CNTNAP2: variants seen among roughly 807,000 people sequenced by gnomAD.
CNTNAP2 encodes contactin associated protein 2, also known as contactin-associated protein-like 2.
Under a neutral mutation model 155.2 loss-of-function variants are expected in CNTNAP2, and 98 were observed. The observed-to-expected ratio is 0.63, with a 90% CI of 0.54 to 0.75. The LOEUF (loss-of-function observed/expected upper bound fraction) is 0.75. CNTNAP2 is among the 30% of genes least tolerant of loss of function. The pLI, the probability that CNTNAP2 is intolerant of heterozygous loss-of-function variation, is 0.00. For missense variants in CNTNAP2, 1,727 were observed against 1,688.1 expected, an observed-to-expected ratio of 1.02 and a Z score of -0.40; for synonymous variants, 651 against 631.2, an observed-to-expected ratio of 1.03 and a Z score of -0.47.
rs979214022 is a variant in CNTNAP2, at chr7:147,011,796, A to T, written c.403-32111A>T. ...ATCTGGGTAAGAGCTGGCCATAGAG[A>T]AAGTCTCTGACCTTCCTCGTTTGAT... On this transcript the variant is annotated intron_variant, in intron 3 of 23. Coordinates refer to ENST00000361727, the MANE Select transcript of CNTNAP2 (RefSeq NM_014141.6). Among the ~76,000 whole-genome samples the T allele has an allele frequency of 7.2e-5, 11 of 152,294 alleles. No homozygotes were observed. In the South Asian group the frequency reaches 2.3e-3, roughly 32 times the overall value.
intron 1 of CNTNAP2, among the ~76,000 whole-genome samples, chr7:146,729,831 T>G (rs907327910): frequency 6.6e-6 from 1 of 152,190 alleles, no homozygotes; most frequent in Non-Finnish European, 1.5e-5. Flanking sequence ...GACAGCTTCT[T>G]GTAAATCTAA....
At chr7:147,277,933 A>G (rs887365498) in intron 8 of CNTNAP2, among the ~76,000 whole-genome samples, 60 of 151,750 alleles carry the variant, frequency 4.0e-4, no homozygotes, top group African/African-American at 1.4e-3. Context: ...TTCAACTGGT[A>G]CCTCTGGTCT....
At chr7:148,109,452 T>C (rs1193646939) in intron 15 of CNTNAP2, among the ~76,000 whole-genome samples, 1 of 152,130 alleles carries the variant, frequency 6.6e-6, no homozygotes, top group Non-Finnish European at 1.5e-5. Flanking sequence ...TGGTGCGATC[T>C]CGGCTCACCG....
At chr7:147,276,820 G>A (rs551808772) in intron 8 of CNTNAP2, among the ~76,000 whole-genome samples, 65 of 150,072 alleles carry the variant, frequency 4.3e-4, no homozygotes, top group Middle Eastern at 3.4e-3. Context: ...CAAATGCTGC[G>A]TTCAATTGAC....
At chr7:148,156,367 C>A (rs750765031) in intron 17 of CNTNAP2, among the ~76,000 whole-genome samples, 9 of 152,162 alleles carry the variant, frequency 5.9e-5, no homozygotes, top group Non-Finnish European at 1.0e-4. Flanking sequence ...ATGTCTCCTG[C>A]GCTCTTTCCT....
chr7:146,952,131 A>G (rs1797327831), intron 3 of CNTNAP2, among the ~76,000 whole-genome samples: 1 of 152,162 alleles, frequency 6.6e-6, no homozygotes, highest in Admixed American at 6.6e-5. Flanking sequence ...AACATACACA[A>G]ATCAATAGAC....
intron 1 of CNTNAP2, among the ~76,000 whole-genome samples, chr7:146,190,150 A>C (rs1798681367): frequency 1.3e-5 from 2 of 152,006 alleles, no homozygotes; most frequent in South Asian, 4.1e-4. Flanking sequence ...AATGATGCAA[A>C]CCTCATGCGT....
intron 1 of CNTNAP2, among the ~76,000 whole-genome samples, chr7:146,594,716 T>C (rs1003239432): frequency 6.6e-6 from 1 of 152,086 alleles, no homozygotes; most frequent in Non-Finnish European, 1.5e-5. Flanking sequence ...CAATCCTCTG[T>C]AATTTTGCGT....
At chr7:148,168,107 G>A (rs1805705017) in intron 17 of CNTNAP2, among the ~76,000 whole-genome samples, 1 of 152,074 alleles carries the variant, frequency 6.6e-6, no homozygotes, top group Non-Finnish European at 1.5e-5. Context: ...CTTTTACACT[G>A]TTGGTGGGAC....
chr7:146,610,880 A>G (rs746842012), intron 1 of CNTNAP2, among the ~76,000 whole-genome samples: 14 of 152,166 alleles, frequency 9.2e-5, no homozygotes, highest in Non-Finnish European at 1.9e-4. Context: ...TGGTGCCCCA[A>G]TGCTGTTTAT....
intron 14 of CNTNAP2, among the ~76,000 whole-genome samples, chr7:147,974,045 T>A (rs1168172904): frequency 6.6e-6 from 1 of 151,702 alleles, no homozygotes; most frequent in East Asian, 1.9e-4. Context: ...GCAAAATAAT[T>A]AAGTAATGCC....
intron 13 of CNTNAP2, among the ~76,000 whole-genome samples, chr7:147,699,799 T>G (rs566113928): frequency 6.6e-6 from 1 of 151,894 alleles, no homozygotes; most frequent in African/African-American, 2.4e-5. Context: ...ATTTCATCAC[T>G]CCCCCCAAAA....
chr7:148,172,334 A>T lies in CNTNAP2; in HGVS notation c.2866A>T (p.Thr956Ser). Residue 956 changes from threonine to serine, a missense_variant, in exon 18 of 24, where the codon ACA becomes TCA. Physicochemically the swap from Thr to Ser is moderately conservative, Grantham distance 58 (BLOSUM62 1). Coordinates refer to ENST00000361727, the MANE Select transcript of CNTNAP2 (RefSeq NM_014141.6). ...TLDLEERAKV[T>S]SGFISGCSGH... ...TGACCTGGAGGAAAGAGCAAAGGTCACATCTGGGTTCATATCCGGATGCTC... is the reference window on the plus strand; with the variant it reads ...TGACCTGGAGGAAAGAGCAAAGGTCTCATCTGGGTTCATATCCGGATGCTC... 6.2e-7 allele frequency: 1 copy of T among 1,614,198 alleles called. No homozygotes were observed. The highest frequency in any genetic ancestry group is 2.2e-5 in the East Asian group (1 of 44,876).
At chr7:147,763,048 C>T (rs1797329859) in intron 13 of CNTNAP2, among the ~76,000 whole-genome samples, 2 of 151,948 alleles carry the variant, frequency 1.3e-5, no homozygotes, top group Admixed American at 1.3e-4. Flanking sequence ...CACCTGAAGT[C>T]GGGAGTTCGA....
intron 1 of CNTNAP2, among the ~76,000 whole-genome samples, chr7:146,145,847 A>G (rs1360890724): frequency 2.0e-5 from 3 of 152,168 alleles, no homozygotes; most frequent in Non-Finnish European, 4.4e-5. Context: ...CAAATGGGAC[A>G]AAGGAAGCAG....
chr7:147,652,577 G>A (rs1795464155), intron 13 of CNTNAP2, among the ~76,000 whole-genome samples: 1 of 151,996 alleles, frequency 6.6e-6, no homozygotes, highest in South Asian at 2.1e-4. Flanking sequence ...TTATATCTGA[G>A]GAAACATAAC....
At chr7:148,075,300 G>C (rs983825598) in intron 15 of CNTNAP2, among the ~76,000 whole-genome samples, 1 of 152,172 alleles carries the variant, frequency 6.6e-6, no homozygotes, top group Non-Finnish European at 1.5e-5. Context: ...AGCCAAGCCT[G>C]GTGGCAGGCA....
intron 1 of CNTNAP2, among the ~76,000 whole-genome samples, chr7:146,402,254 A>G (rs1795725451): frequency 6.6e-6 from 1 of 152,190 alleles, no homozygotes; most frequent in Non-Finnish European, 1.5e-5. Flanking sequence ...GTAGAGCACC[A>G]TCAACGTGTG....
intron 9 of CNTNAP2, among the ~76,000 whole-genome samples, chr7:147,370,684 C>A (rs1796326362): frequency 1.3e-5 from 2 of 152,040 alleles, no homozygotes; most frequent in African/African-American, 4.8e-5. Flanking sequence ...TACATAATAA[C>A]CCTTAATCCT....
Sources: allele counts gnomAD v4.1 joint callset (sites outside exome capture counted in the v4.1 genomes callset), GRCh38; gene constraint gnomAD v4.1.1; transcripts MANE v1.5; gene names NCBI Gene and HGNC (gene_info 2026-07-23, HGNC 2026-07-21).